The following AGBL1 variants were observed in gnomAD, a reference collection of about 807,000 sequenced individuals.
AGBL1 encodes the protein cytosolic carboxypeptidase 4.
AGBL1 carries 130 observed loss-of-function variants against 118.9 expected under a neutral mutation model. That is an observed-to-expected ratio of 1.09 (90% CI 0.95 to 1.26). The LOEUF (loss-of-function observed/expected upper bound fraction) is 1.26. Ranked by LOEUF, AGBL1 falls within the 50% of genes most tolerant of loss-of-function variation. AGBL1 has a pLI of 0.00. For synonymous variants in AGBL1, 555 were observed against 478.9 expected (o/e 1.16, Z -2.08); for missense variants, 1,584 against 1,298.1 (o/e 1.22, Z -3.38).
intron 21 of AGBL1, among the ~76,000 whole-genome samples, chr15:86,563,517 A>T (rs1395357056): frequency 6.6e-6 from 1 of 151,262 alleles, no homozygotes; most frequent in Non-Finnish European, 1.5e-5. Flanking sequence ...ACAGTTTGTT[A>T]TAATTTCTGT....
At chr15:86,462,436 TA>T (rs912527975) in intron 18 of AGBL1, among the ~76,000 whole-genome samples, 1 of 151,336 alleles carries the variant, frequency 6.6e-6, no homozygotes, top group Non-Finnish European at 1.5e-5. Flanking sequence ...TTCTTTTTTT[TA>T]AAAAAAAACA....
chr15:86,460,994 G>T (rs1488241929), intron 18 of AGBL1, among the ~76,000 whole-genome samples: 1 of 152,194 alleles, frequency 6.6e-6, no homozygotes, highest in African/African-American at 2.4e-5. Flanking sequence ...CACCCCAGAA[G>T]TTCAAAGAAT....
intron 22 of AGBL1, among the ~76,000 whole-genome samples, chr15:86,863,771 A>C (rs934684520): frequency 6.6e-6 from 1 of 152,196 alleles, no homozygotes; most frequent in Non-Finnish European, 1.5e-5. Flanking sequence ...TATCTGTGCA[A>C]CAGCTTCTAA....
intron 6 of AGBL1, among the ~76,000 whole-genome samples, chr15:86,235,603 T>C (rs1010453018): frequency 1.3e-5 from 2 of 152,236 alleles, no homozygotes; most frequent in African/African-American, 4.8e-5. Context: ...TGTACAATTA[T>C]TTATTTACAT....
At chr15:86,753,192 C>T (rs2077880800) in intron 22 of AGBL1, among the ~76,000 whole-genome samples, 1 of 152,060 alleles carries the variant, frequency 6.6e-6, no homozygotes, top group Admixed American at 6.5e-5. Context: ...TATGTGGTCT[C>T]AATCTGGCCC....
At chr15:86,718,381 C>A (rs2086668713) in intron 22 of AGBL1, among the ~76,000 whole-genome samples, 1 of 152,030 alleles carries the variant, frequency 6.6e-6, no homozygotes, top group South Asian at 2.1e-4. Context: ...CACACTGGGG[C>A]CTCGTGGGGT....
At chr15:86,873,355 A>G (rs1334771418) in intron 22 of AGBL1, among the ~76,000 whole-genome samples, 1 of 152,122 alleles carries the variant, frequency 6.6e-6, no homozygotes, top group Non-Finnish European at 1.5e-5. Flanking sequence ...TGAATGCCAT[A>G]AGATATTAAT....
At chr15:86,614,851 AAAGAG>A (rs1248497073) in intron 21 of AGBL1, among the ~76,000 whole-genome samples, 2 of 152,224 alleles carry the variant, frequency 1.3e-5, no homozygotes, top group Admixed American at 6.5e-5. Context: ...TTGTGTAGAC[AAAGAG>A]AAGAGACAAT....
chr15:86,253,524 C>T (rs761874515), intron 7 of AGBL1, among the ~76,000 whole-genome samples: 1 of 152,124 alleles, frequency 6.6e-6, no homozygotes, highest in Non-Finnish European at 1.5e-5. Flanking sequence ...GCTGGGATTA[C>T]AGGCGTGAGG....
At position 86,625,364 on chromosome 15, in the gene AGBL1, CGTTTTTTTTTTTTTGTTTTTGT is replaced by C. The variant is rs1280355655; in HGVS notation, c.2995-48908_2995-48887del. Among the ~76,000 whole-genome samples the C allele has an allele frequency of 4.3e-3, 297 of 68,296 alleles. 23 individuals carry two copies. Among genetic ancestry groups the C allele is most frequent in the African/African-American group, 0.014 (290 of 20,056 alleles). 44.8% of individuals were successfully genotyped at this position (68,296 alleles called of 152,430 possible). A position where few individuals can be genotyped will look rare whatever the true frequency, so the allele number is the denominator to read the frequency against. On this transcript the variant is annotated intron_variant, in intron 21 of 22. Transcript: ENST00000614907. ...CAGCCTCCAAGGTAGAAGAAATTAGCGTTTTTTTTTTTTTGTTTTTGTTTTTTTTTTTTTTTACAAACACAGA... is the reference window on the plus strand; with the variant it reads ...CAGCCTCCAAGGTAGAAGAAATTAGCTTTTTTTTTTTTTTACAAACACAGA...
intron 17 of AGBL1, among the ~76,000 whole-genome samples, chr15:86,363,985 C>A (rs2080842480): frequency 6.6e-6 from 1 of 152,128 alleles, no homozygotes; most frequent in Non-Finnish European, 1.5e-5. Context: ...CCTATAATTT[C>A]TTTCAGGTGA....
In AGBL1 at chr15:86,672,816, ACT is replaced by A. The variant is rs2085770129; in HGVS notation, c.2995-1454_2995-1453del. ...CTTAAGGAGGAACTGACTTCCCTTA[ACT>A]CTGAAGTAATGTCTCCTTTCTTTAG... On this transcript the variant is annotated intron_variant, in intron 21 of 22. Transcript: ENST00000614907. Among the ~76,000 whole-genome samples, 5 of 152,258 alleles carry A rather than the reference ACT, an allele frequency of 3.3e-5. No homozygotes were observed. The South Asian group carries it at 1.0e-3, about 32-fold the overall frequency.
chr15:86,103,527 A>G (rs568626076), intron 1 of AGBL1, among the ~76,000 whole-genome samples: 103 of 152,282 alleles, frequency 6.8e-4, no homozygotes, highest in African/African-American at 2.3e-3. Flanking sequence ...TCCTGAAGAC[A>G]TACCAATGGT....
intron 22 of AGBL1, among the ~76,000 whole-genome samples, chr15:86,858,059 C>T (rs567352182): frequency 6.6e-6 from 1 of 152,252 alleles, no homozygotes; most frequent in Admixed American, 6.5e-5. Flanking sequence ...ACCTTATATC[C>T]ACTACACACA....
At chr15:86,821,268 T>C (rs1354136356) in intron 22 of AGBL1, among the ~76,000 whole-genome samples, 4 of 152,134 alleles carry the variant, frequency 2.6e-5, no homozygotes, top group Admixed American at 2.0e-4. Context: ...ATGGCACGTG[T>C]ATACCTATGT....
chr15:86,517,578 T>A (rs2083136559), intron 18 of AGBL1, among the ~76,000 whole-genome samples: 1 of 152,218 alleles, frequency 6.6e-6, no homozygotes, highest in Admixed American at 6.5e-5. Context: ...GGCTCTGGGG[T>A]GATCATGCCT....
At chr15:86,435,331 T>C (rs1441326528) in intron 18 of AGBL1, among the ~76,000 whole-genome samples, 3 of 152,214 alleles carry the variant, frequency 2.0e-5, no homozygotes, top group African/African-American at 7.2e-5. Flanking sequence ...AGGGAGAAGA[T>C]AAGCTGTGAA....
At chr15:86,697,522 T>C (rs762834586) in intron 22 of AGBL1, among the ~76,000 whole-genome samples, 2 of 151,366 alleles carry the variant, frequency 1.3e-5, no homozygotes, top group African/African-American at 4.9e-5. Context: ...TTTTTAATTT[T>C]CTTAAGTTGG....
Position 86,154,506 on chromosome 15 carries a change from C to T in AGBL1, c.339C>T (p.Ser113=). The change falls in exon 4 of 23, where the codon TCC becomes TCT. Residue 113 remains serine, a synonymous_variant. Coordinates refer to ENST00000614907, the MANE Select transcript of AGBL1 (RefSeq NM_001386094.1). ...VTLILARKNL[S]HGQNLLHCLW... ...TGATTCTGGCCAGGAAGAACCTATCCCATGGCCAGAATCTCCTCCACTGTC... is the reference window on the plus strand; with the variant it reads ...TGATTCTGGCCAGGAAGAACCTATCTCATGGCCAGAATCTCCTCCACTGTC... 1 of 1,613,114 alleles carries T rather than the reference C, an allele frequency of 6.2e-7. No homozygotes were observed. Among genetic ancestry groups the T allele is most frequent in the Non-Finnish European group, 8.5e-7 (1 of 1,179,544 alleles).
Sources: allele counts gnomAD v4.1 joint callset (sites outside exome capture counted in the v4.1 genomes callset), GRCh38; gene constraint gnomAD v4.1.1; transcripts MANE v1.5; gene names NCBI Gene and HGNC (gene_info 2026-07-23, HGNC 2026-07-21).